Variants in PDE6A observed in about 807,000 individuals in gnomAD.
PDE6A encodes the protein rod cGMP-specific 3',5'-cyclic phosphodiesterase subunit alpha.
PDE6A carries 84 observed loss-of-function variants against 106.3 expected under a neutral mutation model. That is an observed-to-expected ratio of 0.79 (90% confidence interval 0.66 to 0.95). The LOEUF is 0.95. Ranked by LOEUF, PDE6A falls within the 40% of genes least tolerant of loss-of-function variation. The pLI is 0.00. For synonymous variants in PDE6A, 394 were observed against 386.6 expected (o/e 1.02, Z -0.23); for missense variants, 1,052 against 1,084.9 (o/e 0.97, Z 0.43).
chr5:149,884,615 T>C (rs1247817441), intron 15 of PDE6A, 36 bp from the exon 16 acceptor site: 2 of 1,555,720 alleles, frequency 1.3e-6, no homozygotes, highest in South Asian at 2.2e-5. Flanking sequence ...GGGAGAGAAT[T>C]GATGCTGGCA....
At chr5:149,867,350 G>A in intron 19 of PDE6A, 1 of 351,146 alleles carries the variant, frequency 2.8e-6, no homozygotes, top group South Asian at 2.7e-5. Context: ...GAGGTGGATG[G>A]ACTTCTAGAC....
intron 4 of PDE6A, among the ~76,000 whole-genome samples, chr5:149,929,646 G>T (rs893927653): frequency 9.7e-6 from 1 of 103,470 alleles, no homozygotes; most frequent in Non-Finnish European, 2.0e-5. Context: ...ATAAATAAAA[G>T]AAGCCAAACA....
At chr5:149,902,695 G>A (rs1458555254) in intron 8 of PDE6A, among the ~76,000 whole-genome samples, 2 of 151,552 alleles carry the variant, frequency 1.3e-5, no homozygotes. Context: ...AGTGGCGGGC[G>A]CCTGTAGTTC....
chr5:149,867,444 A>C, intron 19 of PDE6A: 1 of 536,612 alleles, frequency 1.9e-6, no homozygotes, highest in East Asian at 3.3e-5. Context: ...CATTTCCCAA[A>C]ATTTAGGAGG....
At position 149,932,422 on chromosome 5, in the gene PDE6A, A is replaced by G. The variant is rs564622470; in HGVS notation, c.718-1254T>C. The G allele has an allele frequency of 3.6e-6, 5 of 1,383,262 alleles. No individual in the cohort carries two copies. In the Admixed American group the frequency reaches 5.2e-5, roughly 14 times the overall value. The allele number at this position is 1,383,262 out of a possible 1,614,324, so 85.7% of individuals were successfully genotyped here. On this transcript the variant is annotated intron_variant, in intron 3 of 21. Transcript: ENST00000255266. ...GCTGTTTTTAGTGCGAGGAGTTTAA[A>G]GGGAGTTGACTGAATAAGGTCAAGA...
At chr5:149,934,965 G>C (rs1754142303) in intron 1 of PDE6A, among the ~76,000 whole-genome samples, 1 of 152,164 alleles carries the variant, frequency 6.6e-6, no homozygotes, top group South Asian at 2.1e-4. Flanking sequence ...CCAGGGATGG[G>C]AGTGGGGGAC....
chr5:149,863,190 A>C lies in PDE6A; in HGVS notation c.2435T>G (p.Leu812Arg). The C allele has an allele frequency of 6.2e-7, 1 of 1,614,140 alleles. No individual in the cohort carries two copies. Among genetic ancestry groups the C allele is most frequent in the South Asian group, 1.1e-5 (1 of 91,084 alleles). ...CATCTTGGCATCGTACTCATCAGCA[A>C]GCGCCTTCCACTCCTTGCGATTGTT... ...ITNNRKEWKA[L>R]ADEYDAKMKV... Residue 812 changes from leucine to arginine, a missense_variant, in exon 21 of 22, where the codon CTT (leucine) becomes CGT (arginine). This residue lies in a region of PDE6A where 135 missense variants were observed against 153.2 expected (regional missense o/e 0.88). Transcript: ENST00000255266. This position sits in a 1 kb window ranked among gnomAD's most constrained non-coding sequence, Gnocchi z 4.7.
At chr5:149,883,341 C>T in intron 17 of PDE6A, 88 bp downstream of exon 17, 1 of 871,658 alleles carries the variant, frequency 1.1e-6, no homozygotes, top group South Asian at 1.4e-5. Flanking sequence ...AGTCCCAAGG[C>T]TTGTTGAGGG....
Position 149,867,995 on chromosome 5 carries a change from G to A in PDE6A, c.2199+100C>T, listed in dbSNP as rs531812937. The stretch of plus-strand genomic sequence containing the variant: ...CTTGGTAGAGGAGGATGGGACACAG[G>A]TGAGCTGGTTCTGGAGCTGGGCTGA... On this transcript the variant is annotated intron_variant, in intron 18 of 21. Transcript: ENST00000255266. 1.0e-5 allele frequency: 13 copies of A among 1,244,802 alleles called. No individual in the cohort carries two copies. In the African/African-American group the frequency reaches 1.6e-4, roughly 16 times the overall value. The allele number at this position is 1,244,802 out of a possible 1,614,324, so 77.1% of individuals were successfully genotyped here. A position where few individuals can be genotyped will look rare whatever the true frequency, so the allele number is the denominator to read the frequency against.
intron 4 of PDE6A, among the ~76,000 whole-genome samples, chr5:149,926,544 T>A (rs1753869681): frequency 6.6e-6 from 1 of 152,234 alleles, no homozygotes; most frequent in Non-Finnish European, 1.5e-5. Flanking sequence ...GAATTTGACA[T>A]ATGTAAATAT....
intron 13 of PDE6A, 81 bp downstream of exon 13, chr5:149,895,102 T>A: frequency 1.2e-6 from 1 of 839,030 alleles, no homozygotes; most frequent in South Asian, 1.3e-5. Context: ...AGAACAACGC[T>A]GTTGCTACCA....
intron 8 of PDE6A, among the ~76,000 whole-genome samples, chr5:149,903,444 G>A (rs1165456771): frequency 2.0e-5 from 3 of 151,788 alleles, no homozygotes; most frequent in African/African-American, 7.3e-5. Flanking sequence ...AGCAAAGAGT[G>A]TGAATGTTAA....
intron 1 of PDE6A, among the ~76,000 whole-genome samples, chr5:149,935,524 C>T (rs553121219): frequency 5.3e-5 from 8 of 152,224 alleles, no homozygotes; most frequent in African/African-American, 1.9e-4. Context: ...AAGGTTCAGG[C>T]CAGCTCAAAG....
chr5:149,931,076 G>C lies in PDE6A; in HGVS notation c.810C>G (p.Leu270=). The change falls in exon 4 of 22, where the codon CTC becomes CTG. Residue 270 remains leucine, a synonymous_variant. Transcript: ENST00000255266. ...HKALYTVRAF[L]NCDRYSVGLL... Reference sequence around the variant, plus strand: ...GACCCACAGAGTATCTGTCACAGTTGAGGAAAGCACGGACTGTGTACAGGG... The same window carrying C: ...GACCCACAGAGTATCTGTCACAGTTCAGGAAAGCACGGACTGTGTACAGGG... The C allele has an allele frequency of 6.2e-7, 1 of 1,613,952 alleles. No individual in the cohort carries two copies.
chr5:149,934,506 A>G lies in PDE6A; in HGVS notation c.627+60T>C, dbSNP rs1057271391. ...CAGGTCAAACAGCAAAGTTCAGGGG[A>G]CTTCATAGGCTGGGAGAATGTGCTA... On this transcript the variant is annotated intron_variant, in intron 2 of 21. Coordinates refer to ENST00000255266, the MANE Select transcript of PDE6A (RefSeq NM_000440.3). 8 of 1,559,432 alleles carry G rather than the reference A, an allele frequency of 5.1e-6. No homozygotes were observed. The African/African-American group carries it at 1.1e-4, about 21-fold the overall frequency.
chr5:149,902,691 G>A (rs1403344571), intron 8 of PDE6A, among the ~76,000 whole-genome samples: 2 of 151,614 alleles, frequency 1.3e-5, no homozygotes, highest in African/African-American at 2.4e-5. Flanking sequence ...GCGTAGTGGC[G>A]GGCGCCTGTA....
At chr5:149,921,310 G>A (rs1351090325) in intron 5 of PDE6A, among the ~76,000 whole-genome samples, 1 of 151,752 alleles carries the variant, frequency 6.6e-6, no homozygotes, top group African/African-American at 2.4e-5. Flanking sequence ...GAAAGAAAAA[G>A]GAAGGAAGGA....
At chr5:149,922,026 C>T (rs1416652822) in intron 4 of PDE6A, among the ~76,000 whole-genome samples, 1 of 152,028 alleles carries the variant, frequency 6.6e-6, no homozygotes, top group African/African-American at 2.4e-5. Flanking sequence ...TAAGACCATG[C>T]TAATATGTGC....
At chr5:149,892,105 G>A (rs1449614637) in intron 13 of PDE6A, among the ~76,000 whole-genome samples, 1 of 152,138 alleles carries the variant, frequency 6.6e-6, no homozygotes, top group Non-Finnish European at 1.5e-5. Flanking sequence ...TTGAGGCCAG[G>A]AGTTCAAGAC....
Sources: gnomAD v4.1 joint callset for allele counts (sites outside exome capture counted in the v4.1 genomes callset) on GRCh38, gnomAD v4.1.1 for gene constraint, gnomAD v4.1.1 regional missense constraint, Gnocchi (gnomAD v3.1) non-coding constraint, MANE v1.5 for transcripts, NCBI Gene and HGNC (gene_info 2026-07-23, HGNC 2026-07-21) for gene names.